TMEM117: variants seen among roughly 807,000 people sequenced by gnomAD.
TMEM117 encodes transmembrane protein 117.
TMEM117 carries 27 observed loss-of-function variants against 52.4 expected under a neutral mutation model. The ratio of observed to expected loss-of-function variants is 0.51; its 90% confidence interval spans 0.38 to 0.71. The LOEUF is 0.71. Among genes scored for constraint, TMEM117 ranks in the 30% least tolerant of loss-of-function variants. TMEM117 has a pLI of 0.00. For synonymous variants in TMEM117, 215 were observed against 206.3 expected, an observed-to-expected ratio of 1.04 and a Z score of -0.36; for missense variants, 556 against 630.5, an observed-to-expected ratio of 0.88 and a Z score of 1.26.
chr12:44,334,564 T>G (rs1390734875), intron 6 of TMEM117, among the ~76,000 whole-genome samples: 1 of 152,034 alleles, frequency 6.6e-6, no homozygotes, highest in African/African-American at 2.4e-5. Flanking sequence ...ATTCTTATTC[T>G]TTCTGAGATT....
Position 44,299,588 on chromosome 12 carries a change from T to C in TMEM117, c.617T>C (p.Leu206Pro), listed in dbSNP as rs1294911346. 3 of 1,614,068 alleles carry C rather than the reference T, an allele frequency of 1.9e-6. No individual in the cohort carries two copies. The highest frequency in any genetic ancestry group is 1.7e-6 in the Non-Finnish European group (2 of 1,180,008). The change falls in exon 6 of 8, where the codon CTT (leucine) becomes CCT (proline). Residue 206 changes from leucine to proline, a missense_variant. By Grantham distance (98) the Leu-to-Pro change is moderately conservative. Coordinates refer to ENST00000266534, the MANE Select transcript of TMEM117 (RefSeq NM_032256.3). ...TGTCTTGTTCCTTACAGGACAGTTC[T>C]TTTTACTCTGACGTCTGTGGTTGTA... ...NVRITLFWTV[L>P]FTLTSVVVLV...
intron 5 of TMEM117, among the ~76,000 whole-genome samples, chr12:44,233,465 T>TC (rs1949957122): frequency 4.0e-5 from 6 of 151,374 alleles, no homozygotes; most frequent in Admixed American, 3.3e-4. Context: ...AATCCTTGAT[T>TC]CAGGAAGCTG....
At chr12:44,220,209 C>T (rs867481084) in intron 5 of TMEM117, among the ~76,000 whole-genome samples, 5 of 152,246 alleles carry the variant, frequency 3.3e-5, no homozygotes, top group Middle Eastern at 3.4e-3. Context: ...AGTTATTTCT[C>T]ATGGGGTTAC....
chr12:44,105,389 C>A (rs573446830), intron 3 of TMEM117, among the ~76,000 whole-genome samples: 10 of 152,062 alleles, frequency 6.6e-5, no homozygotes, highest in South Asian at 6.2e-4. Context: ...CTATTAGAAT[C>A]TTTAGAATAT....
In TMEM117 at chr12:43,849,869, C is replaced by T. The variant is rs115374503; in HGVS notation, c.277+4941C>T. 7.6e-3 allele frequency among the ~76,000 whole-genome samples: 1,156 copies of T among 152,308 alleles called. 24 individuals are homozygous for T. Among genetic ancestry groups the T allele is most frequent in the African/African-American group, 0.026 (1,080 of 41,570 alleles). ...TCCTAATAAACTTTGAACTTGTCTTCTTCTTCTGTCTCTGCTCATGGCAGT... is the reference window on the plus strand; with the variant it reads ...TCCTAATAAACTTTGAACTTGTCTTTTTCTTCTGTCTCTGCTCATGGCAGT... On this transcript the variant is annotated intron_variant, in intron 2 of 7. Coordinates refer to ENST00000266534, the MANE Select transcript of TMEM117 (RefSeq NM_032256.3).
chr12:44,303,352 A>G (rs1001897437), intron 6 of TMEM117, among the ~76,000 whole-genome samples: 19 of 152,066 alleles, frequency 1.2e-4, no homozygotes, highest in Non-Finnish European at 2.2e-4. Flanking sequence ...CCCAGCTGGT[A>G]TTGTAATTTT....
chr12:44,227,242 G>C (rs1005289077), intron 5 of TMEM117, among the ~76,000 whole-genome samples: 1 of 152,114 alleles, frequency 6.6e-6, no homozygotes, highest in African/African-American at 2.4e-5. Context: ...GGAGTCCAAG[G>C]CAGGCAGATT....
chr12:43,863,253 GCAA>G (rs34522009), intron 2 of TMEM117, among the ~76,000 whole-genome samples: 1 of 127,336 alleles, frequency 7.9e-6, no homozygotes, highest in African/African-American at 2.7e-5. Flanking sequence ...CTCAAAAACA[GCAA>G]CAACAACAAA....
intron 6 of TMEM117, among the ~76,000 whole-genome samples, chr12:44,302,973 A>G (rs1950859589): frequency 6.6e-6 from 1 of 152,226 alleles, no homozygotes; most frequent in African/African-American, 2.4e-5. Context: ...AATTATTTAA[A>G]TGATTTGAAA....
chr12:43,857,388 A>G (rs1309512604), intron 2 of TMEM117, among the ~76,000 whole-genome samples: 2 of 151,352 alleles, frequency 1.3e-5, no homozygotes, highest in Non-Finnish European at 1.5e-5. Context: ...ACCAGGTCCA[A>G]TCATTGCCTC....
At chr12:44,269,337 T>C (rs1950418978) in intron 5 of TMEM117, among the ~76,000 whole-genome samples, 1 of 152,126 alleles carries the variant, frequency 6.6e-6, no homozygotes, top group African/African-American at 2.4e-5. Context: ...ACTCCTTTTG[T>C]TTTAAAATCC....
At chr12:43,953,244 A>G (rs1052029338) in intron 3 of TMEM117, among the ~76,000 whole-genome samples, 1 of 152,164 alleles carries the variant, frequency 6.6e-6, no homozygotes, top group Non-Finnish European at 1.5e-5. Context: ...TACATTAGTA[A>G]GTCTGCAAAA....
intron 5 of TMEM117, among the ~76,000 whole-genome samples, chr12:44,280,511 C>T (rs1950564578): frequency 6.6e-6 from 1 of 152,092 alleles, no homozygotes; most frequent in Non-Finnish European, 1.5e-5. Context: ...TCTCAGCCAC[C>T]CCTCATACAT....
intron 1 of TMEM117, among the ~76,000 whole-genome samples, chr12:43,842,020 G>A (rs895007460): frequency 2.0e-5 from 3 of 151,992 alleles, no homozygotes; most frequent in Admixed American, 6.6e-5. Context: ...TGGGCATATG[G>A]GAACTATTTC....
downstream of TMEM117, among the ~76,000 whole-genome samples, chr12:44,394,387 C>T (rs990031425): frequency 2.6e-5 from 4 of 152,204 alleles, no homozygotes; most frequent in African/African-American, 9.6e-5. Context: ...ACAGAACCCC[C>T]TTGGCTTCTT....
chr12:44,019,149 G>A (rs767641606), intron 3 of TMEM117, among the ~76,000 whole-genome samples: 3 of 151,800 alleles, frequency 2.0e-5, no homozygotes, highest in African/African-American at 4.8e-5. Flanking sequence ...TTGTGTTTTT[G>A]TATGAAAGAA....
chr12:43,909,684 T>C (rs1311698344), intron 2 of TMEM117, among the ~76,000 whole-genome samples: 2 of 151,954 alleles, frequency 1.3e-5, no homozygotes, highest in Admixed American at 1.3e-4. Flanking sequence ...CCCACAGAAA[T>C]GCAAACTACC....
Position 44,122,283 on chromosome 12 carries a change from A to T in TMEM117, c.411-21242A>T, listed in dbSNP as rs994376539. On this transcript the variant is annotated intron_variant, in intron 3 of 7. Transcript: ENST00000266534. ...ATGGTCTCAATCTCCTGACCTCGTGATCTGCCTGCCTCGGCCTCCCAAAGT... is the reference window on the plus strand; with the variant it reads ...ATGGTCTCAATCTCCTGACCTCGTGTTCTGCCTGCCTCGGCCTCCCAAAGT... 5.3e-5 allele frequency among the ~76,000 whole-genome samples: 8 copies of T among 152,152 alleles called. No individual in the cohort carries two copies. The South Asian group carries it at 8.3e-4, about 16-fold the overall frequency.
intron 3 of TMEM117, among the ~76,000 whole-genome samples, chr12:44,111,053 T>C (rs1948047144): frequency 1.2e-4 from 1 of 8,040 alleles, no homozygotes; most frequent in Non-Finnish European, 1.9e-4. Context: ...GGTGGTGATA[T>C]CCCCTTTTTC....
Sources: gnomAD v4.1 joint callset for allele counts (sites outside exome capture counted in the v4.1 genomes callset) on GRCh38, gnomAD v4.1.1 for gene constraint, MANE v1.5 for transcripts, NCBI Gene and HGNC (gene_info 2026-07-23, HGNC 2026-07-21) for gene names.